CDKN2B-AS1: variants seen among roughly 807,000 people sequenced by gnomAD.
CDKN2B-AS1 encodes the protein CDKN2B antisense RNA 1 (non-protein coding).
chr9:22,065,607 AGT>A (rs1824002885), intron 4 of CDKN2B-AS1: 1 of 152,194 alleles, frequency 6.6e-6, no homozygotes, highest in South Asian at 2.1e-4. Context: ...AAGCAGGTTC[AGT>A]AGCTTTGTTC....
At chr9:22,045,945 A>G (rs1823091098) in intron 1 of CDKN2B-AS1, among the ~76,000 whole-genome samples, 2 of 152,166 alleles carry the variant, frequency 1.3e-5, no homozygotes, top group South Asian at 4.1e-4. Context: ...ACCTAAAATG[A>G]ATTCTCTTGC....
chr9:22,012,133 C>G, intron 1 of CDKN2B-AS1: 1 of 1,086,394 alleles, frequency 9.2e-7, no homozygotes, highest in Non-Finnish European at 1.4e-6. Context: ...TTCAGCGAGG[C>G]AGCCGAGCTG....
intron 4 of CDKN2B-AS1, among the ~76,000 whole-genome samples, chr9:22,074,903 T>G (rs1032519304): frequency 2.0e-5 from 3 of 152,244 alleles, no homozygotes; most frequent in Admixed American, 1.3e-4. Flanking sequence ...GCTACTGACA[T>G]TCTAGGCTAT....
chr9:22,114,881 T>A (rs1017412988), intron 4 of CDKN2B-AS1, among the ~76,000 whole-genome samples: 4 of 152,250 alleles, frequency 2.6e-5, no homozygotes, highest in Non-Finnish European at 5.9e-5. Flanking sequence ...TTCAAATTTA[T>A]GCTGCATTAC....
chr9:22,041,242 G>A (rs1234032883), intron 1 of CDKN2B-AS1, among the ~76,000 whole-genome samples: 1 of 152,036 alleles, frequency 6.6e-6, no homozygotes, highest in East Asian at 1.9e-4. Context: ...ACAATCTGAA[G>A]TGATGAGAAG....
At chr9:22,035,234 C>T (rs1284084377) in intron 1 of CDKN2B-AS1, among the ~76,000 whole-genome samples, 2 of 151,920 alleles carry the variant, frequency 1.3e-5, no homozygotes, top group African/African-American at 4.8e-5. Context: ...TTTGCTGGTT[C>T]ATCACTGAAA....
chr9:22,009,159 T>C, intron 1 of CDKN2B-AS1: 1 of 684,096 alleles, frequency 1.5e-6, no homozygotes, highest in Non-Finnish European at 2.5e-6. Flanking sequence ...TCCGGGCTTT[T>C]CCTGGCGCTC....
intron 1 of CDKN2B-AS1, among the ~76,000 whole-genome samples, chr9:22,020,105 T>C (rs2131220701): frequency 6.6e-6 from 1 of 152,348 alleles, no homozygotes; most frequent in South Asian, 2.1e-4. Context: ...CTTCCACTTA[T>C]AAGTGAGAAC....
rs34297943 is a variant in CDKN2B-AS1, at chr9:21,997,480, GGAGAGAGAGA to G, written n.29+2334_29+2343del. Among the ~76,000 whole-genome samples the G allele has an allele frequency of 3.4e-5, 5 of 146,036 alleles. No homozygotes were observed. The highest frequency in any genetic ancestry group is 7.6e-5 in the Non-Finnish European group (5 of 66,050). On this transcript the variant is annotated intron_variant and non_coding_transcript_variant, in intron 1 of 4. Transcript: ENST00000650946. This position sits in a 1 kb window ranked among gnomAD's most constrained non-coding sequence, Gnocchi z 4.8. ...ATGTGGGGGAGAGAAAGAGAGGGAG[GGAGAGAGAGA>G]GAGAGAGAGAGAGAAAGAGAAAGAG...
chr9:22,121,188 T>C (rs1037741768), intron 4 of CDKN2B-AS1: 1 of 152,034 alleles, frequency 6.6e-6, no homozygotes, highest in African/African-American at 2.4e-5. Flanking sequence ...TAAAATGTAC[T>C]GGTTTTAAAA....
intron 4 of CDKN2B-AS1, among the ~76,000 whole-genome samples, chr9:22,091,525 C>T (rs948911701): frequency 1.3e-5 from 2 of 152,098 alleles, no homozygotes; most frequent in East Asian, 1.9e-4. Context: ...TGTAGTTCTC[C>T]TTGAAGAGGT....
chr9:22,039,042 G>A lies in CDKN2B-AS1; in HGVS notation n.30-7709G>A, dbSNP rs1001283790. Among the ~76,000 whole-genome samples the A allele has an allele frequency of 2.0e-5, 3 of 151,916 alleles. No individual in the cohort carries two copies. Among genetic ancestry groups the A allele is most frequent in the Non-Finnish European group, 2.9e-5 (2 of 67,936 alleles). On this transcript the variant is annotated intron_variant and non_coding_transcript_variant, in intron 1 of 4. Transcript: ENST00000650946. This position sits in a 1 kb window ranked among gnomAD's most constrained non-coding sequence, Gnocchi z 4.4. ...TTCCTTGTCAATATTTATTCTTAAT[G>A]TGTTTAGAATTTTAGAAAATGGGTT...
chr9:22,100,411 G>T (rs1489904193), intron 4 of CDKN2B-AS1, among the ~76,000 whole-genome samples: 1 of 152,138 alleles, frequency 6.6e-6, no homozygotes, highest in Non-Finnish European at 1.5e-5. Context: ...TCATACAAAA[G>T]GTGGTGTTCT....
chr9:22,024,108 G>A (rs1822127417), intron 1 of CDKN2B-AS1, among the ~76,000 whole-genome samples: 1 of 152,124 alleles, frequency 6.6e-6, no homozygotes, highest in African/African-American at 2.4e-5. Flanking sequence ...CTGACATTTG[G>A]ATTATTTTTT....
chr9:22,054,069 G>C (rs1823460609), intron 3 of CDKN2B-AS1, among the ~76,000 whole-genome samples: 1 of 152,118 alleles, frequency 6.6e-6, no homozygotes, highest in Non-Finnish European at 1.5e-5. Flanking sequence ...AATAACCTTA[G>C]CTAGCATTTC....
chr9:22,027,840 A>G (rs1000035335), intron 1 of CDKN2B-AS1, among the ~76,000 whole-genome samples: 2 of 152,226 alleles, frequency 1.3e-5, no homozygotes, highest in African/African-American at 4.8e-5. Context: ...GAAAGGAAAA[A>G]TAAATGAAAT....
rs1821145315 is a variant in CDKN2B-AS1 at position 22,005,851 on chromosome 9, T to TGA, written n.29+10691_29+10692insAG. 1.3e-5 allele frequency: 16 copies of TGA among 1,222,690 alleles called. No homozygotes were observed. In the South Asian group the frequency reaches 2.1e-4, roughly 16 times the overall value. 75.7% of individuals were successfully genotyped at this position (1,222,690 alleles called of 1,614,324 possible). A position where few individuals can be genotyped will look rare whatever the true frequency, so the allele number is the denominator to read the frequency against. ...TTATTCCCGGTCGGCTCCTCCTTCC[T>TGA]GTGAGTCTCAGACAGGCTTGCAGGC... On this transcript the variant is annotated intron_variant and non_coding_transcript_variant, in intron 1 of 4. Transcript: ENST00000650946. This position sits in a 1 kb window ranked among gnomAD's most constrained non-coding sequence, Gnocchi z 4.9.
At chr9:22,126,213 G>C (rs867281483) in intron 4 of CDKN2B-AS1, among the ~76,000 whole-genome samples, 2 of 152,162 alleles carry the variant, frequency 1.3e-5, no homozygotes, top group African/African-American at 4.8e-5. Context: ...GTGAACCCTT[G>C]AAGTTCCAAC....
chr9:22,072,276 A>T (rs752405768), intron 4 of CDKN2B-AS1, among the ~76,000 whole-genome samples: 4 of 152,206 alleles, frequency 2.6e-5, no homozygotes, highest in Non-Finnish European at 4.4e-5. Flanking sequence ...TAATTTTTTT[A>T]TAATGAAGCA....
Sources: gnomAD v4.1 joint callset for allele counts (sites outside exome capture counted in the v4.1 genomes callset) on GRCh38, gnomAD v4.1.1 for gene constraint, Gnocchi (gnomAD v3.1) non-coding constraint, MANE v1.5 for transcripts, NCBI Gene and HGNC (gene_info 2026-07-23, HGNC 2026-07-21) for gene names.